The following TRANK1 variants were observed in gnomAD, a reference collection of about 807,000 sequenced individuals.
TRANK1 encodes the protein TPR and ankyrin repeat-containing protein 1.
A neutral mutation model predicts 266.0 loss-of-function variants in TRANK1; 198 were observed. That is an observed-to-expected ratio of 0.74 (90% CI 0.66 to 0.84). TRANK1 has a LOEUF of 0.84. Among genes scored for constraint, TRANK1 ranks in the 40% least tolerant of loss-of-function variants. The pLI is 0.00. For missense variants in TRANK1, 3,326 were observed against 3,634.6 expected, an observed-to-expected ratio of 0.92 and a Z score of 2.18; for synonymous variants, 1,396 against 1,384.1, an observed-to-expected ratio of 1.01 and a Z score of -0.19.
chr3:36,843,990 A>G (rs1168757595), intron 17 of TRANK1, among the ~76,000 whole-genome samples: 1 of 152,186 alleles, frequency 6.6e-6, no homozygotes. Context: ...TGCAGATGCC[A>G]TGTAAAAGAA....
chr3:36,850,781 G>GA (rs922578492), intron 15 of TRANK1: 2 of 985,038 alleles, frequency 2.0e-6, no homozygotes, highest in Non-Finnish European at 2.4e-6. Context: ...AAAATGATAA[G>GA]AAAAAAAGGA....
intron 3 of TRANK1, among the ~76,000 whole-genome samples, chr3:36,901,701 G>A (rs1443183721): frequency 2.0e-5 from 3 of 152,204 alleles, no homozygotes; most frequent in Non-Finnish European, 2.9e-5. Context: ...CTTGCCTGTA[G>A]AGGACAATTG....
chr3:36,921,631 C>T (rs1434706520), intron 1 of TRANK1, among the ~76,000 whole-genome samples: 5 of 152,166 alleles, frequency 3.3e-5, no homozygotes, highest in Admixed American at 2.0e-4. Flanking sequence ...CCTGGTACCA[C>T]GTATCTCTTT....
At chr3:36,936,437 G>C (rs1181924017) in intron 1 of TRANK1, among the ~76,000 whole-genome samples, 1 of 151,232 alleles carries the variant, frequency 6.6e-6, no homozygotes, top group Non-Finnish European at 1.5e-5. Flanking sequence ...AGTGAGCTGT[G>C]ATCACACCAC....
Position 36,833,823 on chromosome 3 carries a change from A to T in TRANK1, c.5760T>A (p.Ser1920Arg). Residue 1920 changes from serine (S) to arginine (R), a missense_variant, in exon 22 of 24, where the codon AGT (serine) becomes AGA (arginine). Transcript: ENST00000645898. ...CCATCATTTCCTTCATCTTATTTGCACTCAGATACTTTGCTGCAGCTTCCA... is the reference window on the plus strand; with the variant it reads ...CCATCATTTCCTTCATCTTATTTGCTCTCAGATACTTTGCTGCAGCTTCCA... ...FYLEAAAKYL[S>R]ANKMKEMMAV... is the part of the protein sequence containing the mutation. 6.2e-7 allele frequency: 1 copy of T among 1,613,938 alleles called. No homozygotes were observed. The highest frequency in any genetic ancestry group is 8.5e-7 in the Non-Finnish European group (1 of 1,179,876).
intron 1 of TRANK1, among the ~76,000 whole-genome samples, chr3:36,909,699 A>G (rs1256903650): frequency 6.6e-6 from 1 of 152,162 alleles, no homozygotes; most frequent in Non-Finnish European, 1.5e-5. Flanking sequence ...GGGGAAACAG[A>G]CCCAAGCACA....
At chr3:36,906,800 T>G (rs554994503) in intron 2 of TRANK1, among the ~76,000 whole-genome samples, 1 of 152,208 alleles carries the variant, frequency 6.6e-6, no homozygotes. Context: ...AACACCTTGA[T>G]TTTAGCCCCA....
chr3:36,866,997 A>G (rs2079237139), intron 9 of TRANK1, among the ~76,000 whole-genome samples: 1 of 152,228 alleles, frequency 6.6e-6, no homozygotes, highest in Admixed American at 6.5e-5. Context: ...AGGAAGATCC[A>G]CTATAGCATC....
intron 9 of TRANK1, 117 bp from the exon 10 acceptor site, chr3:36,864,597 G>T: frequency 1.1e-6 from 1 of 930,344 alleles, no homozygotes. Context: ...AGTGTGACTT[G>T]CTGCTCCTCT....
chr3:36,934,672 A>G (rs1452236093), intron 1 of TRANK1, among the ~76,000 whole-genome samples: 1 of 152,164 alleles, frequency 6.6e-6, no homozygotes, highest in Admixed American at 6.6e-5. Context: ...GGTGGCCACA[A>G]GTTCACGCCC....
intron 8 of TRANK1, among the ~76,000 whole-genome samples, chr3:36,878,776 A>C (rs764202134): frequency 4.1e-5 from 3 of 72,322 alleles, no homozygotes; most frequent in Non-Finnish European, 7.8e-5. Context: ...ATGAAAGTTC[A>C]AAAAAAAAAA....
intron 9 of TRANK1, among the ~76,000 whole-genome samples, chr3:36,865,017 T>C (rs1434988862): frequency 7.1e-6 from 1 of 141,414 alleles, no homozygotes; most frequent in Admixed American, 7.4e-5. Flanking sequence ...GTTTTTTTGT[T>C]TTTTTGGTTT....
intron 10 of TRANK1, among the ~76,000 whole-genome samples, chr3:36,863,715 T>C (rs1575221730): frequency 6.6e-6 from 1 of 152,340 alleles, no homozygotes; most frequent in East Asian, 1.9e-4. Flanking sequence ...AGATCTGGTA[T>C]GTTGGAAACA....
At chr3:36,884,814 T>C (rs2079578550) in intron 8 of TRANK1, among the ~76,000 whole-genome samples, 1 of 151,612 alleles carries the variant, frequency 6.6e-6, no homozygotes, top group African/African-American at 2.4e-5. Context: ...ACACCTGTAA[T>C]CCCAGCTACT....
At position 36,896,832 on chromosome 3, in the gene TRANK1, TA is replaced by T. The variant is rs902082336; in HGVS notation, c.434-1075del. ...CAACAGGGTGAAAGCCCTTCTCTAC[TA>T]AAAAAACAAAAATCAGCTGGATGTG... On this transcript the variant is annotated intron_variant, in intron 4 of 23. Transcript: ENST00000645898. 5.3e-5 allele frequency among the ~76,000 whole-genome samples: 8 copies of T among 151,818 alleles called. No homozygotes were observed. The East Asian group carries it at 1.5e-3, about 29-fold the overall frequency.
At position 36,831,984 on chromosome 3, in the gene TRANK1, T is replaced by A. The variant is rs190492449; in HGVS notation, c.7599A>T (p.Leu2533=). 1.4e-5 allele frequency: 23 copies of A among 1,613,986 alleles called. No homozygotes were observed. The highest frequency in any genetic ancestry group is 1.9e-5 in the Non-Finnish European group (23 of 1,179,892). ...RFHLSYLAKV[L]CGYENVNFNV... ...TGAAGTTCACATTCTCATAGCCACA[T>A]AGCACCTTGGCGAGGTAGGAGAGAT... The change falls in exon 22 of 24, where the codon CTA becomes CTT. Residue 2533 remains leucine, a synonymous_variant. Transcript: ENST00000645898. The surrounding 1 kb of genome is among the most constrained non-coding windows in gnomAD (Gnocchi z 5.0).
chr3:36,874,187 T>C lies in TRANK1; in HGVS notation c.1017A>G (p.Lys339=). The C allele has an allele frequency of 6.5e-7, 1 of 1,537,482 alleles. No individual in the cohort carries two copies. Among genetic ancestry groups the C allele is most frequent in the Non-Finnish European group, 8.7e-7 (1 of 1,146,950 alleles). ...AGTGACTGTTGATTTTCTCGATGGC[T>C]TTGAAGTTCTTATTCCTCTTCAGGA... ...VDVLKRNKNF[K]AIEKINSHLE... Residue 339 remains lysine, a synonymous_variant, in exon 9 of 24, where the codon AAA becomes AAG. Transcript: ENST00000645898.
intron 8 of TRANK1, among the ~76,000 whole-genome samples, chr3:36,888,198 C>T (rs528451527): frequency 1.8e-4 from 27 of 152,284 alleles, no homozygotes; most frequent in Admixed American, 3.9e-4. Context: ...TTCTACAACA[C>T]GGATAAACCT....
At chr3:36,928,009 T>C (rs951068112) in intron 1 of TRANK1, among the ~76,000 whole-genome samples, 6 of 152,222 alleles carry the variant, frequency 3.9e-5, no homozygotes, top group Admixed American at 6.5e-5. Context: ...TGATATAGAA[T>C]GTGGGGTCAC....
Sources: gnomAD v4.1 joint callset for allele counts (sites outside exome capture counted in the v4.1 genomes callset) on GRCh38, gnomAD v4.1.1 for gene constraint, Gnocchi (gnomAD v3.1) non-coding constraint, MANE v1.5 for transcripts, NCBI Gene and HGNC (gene_info 2026-07-23, HGNC 2026-07-21) for gene names.